The following TNRC6B variants were observed in gnomAD, a reference collection of about 807,000 sequenced individuals.
The protein encoded by TNRC6B is trinucleotide repeat containing adaptor 6B.
Under a neutral mutation model 203.6 loss-of-function variants are expected in TNRC6B, and 52 were observed. The ratio of observed to expected loss-of-function variants is 0.26; its 90% CI spans 0.20 to 0.32. TNRC6B has a LOEUF of 0.32. TNRC6B is among the 10% of genes least tolerant of loss of function. The pLI is 1.00. For synonymous variants in TNRC6B, 838 were observed against 845.7 expected, an observed-to-expected ratio of 0.99 and a Z score of 0.16; for missense variants, 1,923 against 2,286.2, an observed-to-expected ratio of 0.84 and a Z score of 3.24.
In TNRC6B at chr22:40,301,234, G is replaced by A; in HGVS notation, c.4021G>A (p.Val1341Ile). ...PGMKHSPSHP[V>I]GPKPHLDNMV... ...CATGAAGCACTCGCCCTCTCATCCT[G>A]TTGGGCCCAAGCCGCATCTGGACAA... is the stretch of plus-strand genomic sequence containing the variant. The change falls in exon 15 of 23, where the codon GTT (valine) becomes ATT (isoleucine). Residue 1341 changes from valine to isoleucine, a missense_variant. By Grantham distance (29) the Val-to-Ile change is conservative. This residue lies in a region of TNRC6B where 242 missense variants were observed against 399.5 expected (regional missense o/e 0.61). Transcript: ENST00000454349. 1.9e-6 allele frequency: 3 copies of A among 1,561,886 alleles called. No individual in the cohort carries two copies. Among genetic ancestry groups the A allele is most frequent in the East Asian group, 2.4e-5 (1 of 41,986 alleles).
intron 1 of TNRC6B, among the ~76,000 whole-genome samples, chr22:40,231,770 G>A (rs2069873779): frequency 6.6e-6 from 1 of 152,212 alleles, no homozygotes; most frequent in Non-Finnish European, 1.5e-5. Context: ...GATGAAATTA[G>A]AGTGCATATT....
At chr22:40,177,791 AAAGT>A (rs1601861125), upstream of TNRC6B, 22 of 1,251,026 alleles carry the variant, frequency 1.8e-5, no homozygotes, top group Non-Finnish European at 2.1e-5. Context: ...TTCACAAATG[AAAGT>A]GAGTGGAAAA....
intron 1 of TNRC6B, chr22:40,106,893 G>A: frequency 1.0e-6 from 1 of 974,104 alleles, no homozygotes. Flanking sequence ...TGTTCCTTGT[G>A]ACAGTGCTTC....
chr22:40,054,553 T>A (rs567875816), intron 1 of TNRC6B, among the ~76,000 whole-genome samples: 2 of 152,156 alleles, frequency 1.3e-5, no homozygotes, highest in African/African-American at 4.8e-5. Context: ...TTAGAAGATA[T>A]CAATTGTATA....
At position 40,083,887 on chromosome 22, in the gene TNRC6B, G is replaced by A. The variant is rs149958036; in HGVS notation, c.-120-33168G>A. Among the ~76,000 whole-genome samples, 284 of 152,228 alleles carry A rather than the reference G, an allele frequency of 1.9e-3. 2 individuals are homozygous for A. The highest frequency in any genetic ancestry group is 0.014 in the Middle Eastern group (4 of 294). On this transcript the variant is annotated intron_variant, in intron 1 of 23. Coordinates refer to the TNRC6B transcript ENST00000301923. Reference sequence around the variant, plus strand: ...ACATTAGCTTAAAAGGCAGGGAAGGGTTGGGGAGGAGGGGAAAATAAGTAA... The same window carrying A: ...ACATTAGCTTAAAAGGCAGGGAAGGATTGGGGAGGAGGGGAAAATAAGTAA...
At chr22:40,237,978 C>T (rs769540414) in intron 1 of TNRC6B, among the ~76,000 whole-genome samples, 2 of 152,010 alleles carry the variant, frequency 1.3e-5, no homozygotes, top group Non-Finnish European at 2.9e-5. Context: ...CAGGTCAGTG[C>T]GTGGCATATC....
intron 3 of TNRC6B, among the ~76,000 whole-genome samples, chr22:40,143,180 A>C (rs2068659415): frequency 6.6e-6 from 1 of 152,234 alleles, no homozygotes; most frequent in Non-Finnish European, 1.5e-5. Flanking sequence ...CTATAATCCC[A>C]GCATTTTGGG....
chr22:40,267,862 C>T (rs1036508110), intron 5 of TNRC6B, among the ~76,000 whole-genome samples: 2 of 145,190 alleles, frequency 1.4e-5, no homozygotes, highest in Admixed American at 1.5e-4. Flanking sequence ...AGAGCGAGAC[C>T]CTGTTGCCAA....
chr22:40,206,290 T>C (rs1350065767), intron 1 of TNRC6B, among the ~76,000 whole-genome samples: 2 of 152,190 alleles, frequency 1.3e-5, no homozygotes, highest in Admixed American at 1.3e-4. Context: ...CAAAGTTTTG[T>C]CTTTTTTATT....
At chr22:40,221,949 G>T (rs1448548812) in intron 1 of TNRC6B, among the ~76,000 whole-genome samples, 2 of 151,968 alleles carry the variant, frequency 1.3e-5, no homozygotes, top group Non-Finnish European at 2.9e-5. Flanking sequence ...CTGTCCTGAA[G>T]TGATGTTGTC....
intron 1 of TNRC6B, among the ~76,000 whole-genome samples, chr22:40,235,144 A>G (rs1601908016): frequency 6.6e-6 from 1 of 152,182 alleles, no homozygotes; most frequent in Admixed American, 6.5e-5. Flanking sequence ...TTACTGTTTT[A>G]TAAGTTGCCA....
upstream of TNRC6B, among the ~76,000 whole-genome samples, chr22:40,175,418 AAT>A (rs2069046358): frequency 2.0e-5 from 3 of 152,184 alleles, no homozygotes; most frequent in Admixed American, 6.5e-5. Flanking sequence ...TTTTATTTAA[AAT>A]ATGTTTGTTC....
chr22:40,138,337 C>T (rs2068617890), intron 3 of TNRC6B, among the ~76,000 whole-genome samples: 2 of 152,206 alleles, frequency 1.3e-5, no homozygotes, highest in African/African-American at 4.8e-5. Flanking sequence ...ATGATCTCAG[C>T]TCACTGCAAC....
intron 21 of TNRC6B, among the ~76,000 whole-genome samples, chr22:40,318,533 C>T (rs943997006): frequency 7.2e-5 from 11 of 151,798 alleles, no homozygotes; most frequent in Admixed American, 2.6e-4. Context: ...GGAGACAGAG[C>T]GAGACTTCAT....
At chr22:40,302,769 A>G (rs1273140461) in intron 15 of TNRC6B, among the ~76,000 whole-genome samples, 3 of 152,266 alleles carry the variant, frequency 2.0e-5, no homozygotes, top group Non-Finnish European at 2.9e-5. Flanking sequence ...GGGGTGAGCA[A>G]AGACTTCAAG....
intron 21 of TNRC6B, 34 bp from the exon 22 acceptor site, chr22:40,321,056 C>CGAG (rs770333112): frequency 6.2e-7 from 1 of 1,610,200 alleles, no homozygotes; most frequent in Non-Finnish European, 8.5e-7. Context: ...ACCCCACCTC[C>CGAG]AGTCTTTATC....
intron 1 of TNRC6B, among the ~76,000 whole-genome samples, chr22:40,186,179 C>A (rs1306940944): frequency 6.6e-6 from 1 of 152,006 alleles, no homozygotes; most frequent in Admixed American, 6.5e-5. Context: ...GAAAGAGGAC[C>A]TGGGAAAGGA....
At chr22:40,093,140 AAAT>A (rs1309821146) in intron 1 of TNRC6B, among the ~76,000 whole-genome samples, 1 of 152,258 alleles carries the variant, frequency 6.6e-6, no homozygotes, top group Non-Finnish European at 1.5e-5. Flanking sequence ...AAGAATGAAA[AAAT>A]AACCATTTCA....
chr22:40,313,214 G>A (rs1046487896), intron 19 of TNRC6B, among the ~76,000 whole-genome samples: 5 of 152,166 alleles, frequency 3.3e-5, no homozygotes, highest in Admixed American at 1.3e-4. Context: ...GGATGAGGCC[G>A]GTAGTGACAT....
Sources: allele counts gnomAD v4.1 joint callset (sites outside exome capture counted in the v4.1 genomes callset), GRCh38; gene constraint gnomAD v4.1.1; regional missense constraint gnomAD v4.1.1; transcripts MANE v1.5; gene names NCBI Gene and HGNC (gene_info 2026-07-23, HGNC 2026-07-21).